Variants in PTPRC observed in about 807,000 individuals in gnomAD.
PTPRC encodes the protein protein tyrosine phosphatase receptor type C, also known as receptor-type tyrosine-protein phosphatase C.
PTPRC carries 44 observed loss-of-function variants against 155.9 expected under a neutral mutation model. The ratio of observed to expected loss-of-function variants is 0.28; its 90% CI spans 0.22 to 0.36. The LOEUF is 0.36. Ranked by LOEUF, PTPRC falls within the 10% of genes least tolerant of loss-of-function variation. The pLI is 1.00. For synonymous variants in PTPRC, 525 were observed against 533.1 expected (o/e 0.98, Z 0.21); for missense variants, 1,401 against 1,564.6 (o/e 0.90, Z 1.76).
chr1:198,738,321 T>C (rs368958059), intron 23 of PTPRC, among the ~76,000 whole-genome samples: 1 of 151,778 alleles, frequency 6.6e-6, no homozygotes, highest in African/African-American at 2.4e-5. Flanking sequence ...TGAGGTATAT[T>C]CCTTCGTTAC....
chr1:198,704,323 C>G, intron 7 of PTPRC, 149 bp from the exon 8 acceptor site: 1 of 1,392,164 alleles, frequency 7.2e-7, no homozygotes, highest in East Asian at 2.5e-5. Context: ...AAATGAAAAC[C>G]TGTACTAGGC....
rs1655423879 is a variant in PTPRC, at chr1:198,752,367, C to A, written c.3326C>A (p.Ser1109Tyr). 6.2e-7 allele frequency: 1 copy of A among 1,612,204 alleles called. No individual in the cohort carries two copies. Among genetic ancestry groups the A allele is most frequent in the African/African-American group, 1.3e-5 (1 of 74,712 alleles). The change falls in exon 30 of 33, where the codon TCC (serine) becomes TAC (tyrosine). Residue 1109 changes from serine (S) to tyrosine (Y), a missense_variant. Transcript: ENST00000442510. ...CTTCGTGTCTTTGAACTGAGACATTCCAAGGTATGGAAACAATTTGGGGAG... is the reference window on the plus strand; with the variant it reads ...CTTCGTGTCTTTGAACTGAGACATTACAAGGTATGGAAACAATTTGGGGAG... ...YTLRVFELRH[S>Y]KRKDSRTVYQ...
At chr1:198,646,721 C>G (rs1301028445) in intron 2 of PTPRC, among the ~76,000 whole-genome samples, 1 of 151,900 alleles carries the variant, frequency 6.6e-6, no homozygotes, top group South Asian at 2.1e-4. Context: ...TGCTTGATAG[C>G]CTGGAATTAT....
intron 10 of PTPRC, among the ~76,000 whole-genome samples, chr1:198,709,000 A>G (rs1183793084): frequency 2.0e-5 from 3 of 152,250 alleles, no homozygotes; most frequent in Admixed American, 6.5e-5. Flanking sequence ...ACCATAGTAT[A>G]GATTCATGGC....
chr1:198,755,818 AATC>A (rs1258844799), intron 32 of PTPRC, 85 bp from the exon 33 acceptor site: 1 of 1,355,354 alleles, frequency 7.4e-7, no homozygotes, highest in Admixed American at 1.7e-5. Context: ...TCCACAAATA[AATC>A]ATTAGTTCTT....
intron 2 of PTPRC, 90 bp from the exon 3 acceptor site, chr1:198,692,257 C>G (rs1222408162): frequency 2.1e-6 from 2 of 954,104 alleles, no homozygotes; most frequent in Non-Finnish European, 3.1e-6. Context: ...CTATCATAGA[C>G]TTGAGGTACA....
At chr1:198,724,266 G>A (rs1460277734) in intron 15 of PTPRC, among the ~76,000 whole-genome samples, 3 of 152,186 alleles carry the variant, frequency 2.0e-5, no homozygotes, top group Non-Finnish European at 4.4e-5. Flanking sequence ...GACTTGGGCT[G>A]TGAATTGCTA....
intron 30 of PTPRC, 21 bp downstream of exon 30, chr1:198,752,392 G>A: frequency 6.2e-7 from 1 of 1,611,784 alleles, no homozygotes; most frequent in South Asian, 1.1e-5. Flanking sequence ...AATTTGGGGA[G>A]TATATTTCTT....
chr1:198,703,453 T>C (rs1666563716), intron 7 of PTPRC, 81 bp downstream of exon 7: 2 of 1,601,424 alleles, frequency 1.2e-6, no homozygotes, highest in Non-Finnish European at 1.7e-6. Flanking sequence ...CCACCCACTC[T>C]ACCTCGGGCT....
chr1:198,736,813 C>T (rs745986765), intron 23 of PTPRC, among the ~76,000 whole-genome samples: 6 of 151,592 alleles, frequency 4.0e-5, no homozygotes, highest in Non-Finnish European at 8.9e-5. Context: ...CCAACATTGT[C>T]TGAGGGTTTT....
At chr1:198,747,375 C>T (rs4478839) in intron 26 of PTPRC, among the ~76,000 whole-genome samples, 91,198 of 151,462 alleles carry the variant, frequency 0.6, 27,804 homozygotes, top group African/African-American at 0.65. Context: ...GCTGGAGAAA[C>T]AGTCAGGGGC....
At chr1:198,694,132 A>G in intron 3 of PTPRC, 1 of 1,540,684 alleles carries the variant, frequency 6.5e-7, no homozygotes, top group Non-Finnish European at 8.8e-7. Context: ...CCCCTCACAA[A>G]CCACTGGAGT....
intron 2 of PTPRC, among the ~76,000 whole-genome samples, chr1:198,650,014 T>C (rs777953180): frequency 5.9e-5 from 9 of 151,800 alleles, no homozygotes; most frequent in Non-Finnish European, 1.0e-4. Context: ...GAGCTACCTG[T>C]TGGCTGACAA....
At chr1:198,742,437 AATG>A in intron 25 of PTPRC, 70 bp downstream of exon 25, 9 of 1,577,650 alleles carry the variant, frequency 5.7e-6, no homozygotes, top group Non-Finnish European at 7.8e-6. Context: ...AAGTGATAAT[AATG>A]ATATTTTTTA....
intron 2 of PTPRC, among the ~76,000 whole-genome samples, chr1:198,641,947 T>C (rs1309790257): frequency 6.6e-6 from 1 of 152,072 alleles, no homozygotes; most frequent in Non-Finnish European, 1.5e-5. Flanking sequence ...AATTATTTAA[T>C]TGAATTTGGT....
At chr1:198,695,086 A>T in intron 3 of PTPRC, 1 of 915,736 alleles carries the variant, frequency 1.1e-6, no homozygotes, top group African/African-American at 1.8e-5. Flanking sequence ...GTATATTGGA[A>T]TTGAAGTTCA....
At chr1:198,655,244 G>GA (rs1283305140) in intron 2 of PTPRC, among the ~76,000 whole-genome samples, 4 of 149,224 alleles carry the variant, frequency 2.7e-5, no homozygotes, top group Non-Finnish European at 4.5e-5. Flanking sequence ...TTTAAAAAGA[G>GA]AAAAAAAATT....
chr1:198,731,652 C>A lies in PTPRC; in HGVS notation c.1900C>A (p.His634Asn). 2 of 1,611,276 alleles carry A rather than the reference C, an allele frequency of 1.2e-6. No individual in the cohort carries two copies. The highest frequency in any genetic ancestry group is 2.2e-5 in the South Asian group (2 of 91,052). Reference protein sequence around the residue: ...EKQLMNVEPIHADILLETYKR... With the variant: ...EKQLMNVEPINADILLETYKR... The stretch of plus-strand genomic sequence containing the variant: ...ACAACTGATGAATGTGGAGCCAATC[C>A]ATGCAGATATTTTGTTGGAAACTTA... Residue 634 changes from histidine (H) to asparagine (N), a missense_variant, in exon 18 of 33, where the codon CAT becomes AAT. By Grantham distance (68) the His-to-Asn change is moderately conservative. This residue lies in a region of PTPRC where 867 missense variants were observed against 970.4 expected (regional missense o/e 0.89). Transcript: ENST00000442510.
chr1:198,722,420 AT>A lies in PTPRC; in HGVS notation c.1668del (p.His557ThrfsTer23). The stretch of plus-strand genomic sequence containing the variant: ...TTTTTTGTTACTGAAATTCAGGCCT[AT>A]TTTCACAATGGAGACTATCCTGGAG... ...QYSTDYTFKA[Y>X]FHNGDYPGEP... On this transcript the variant is annotated frameshift_variant, in exon 15 of 33. Transcript: ENST00000442510. LOFTEE classifies it high-confidence loss of function. The A allele has an allele frequency of 1.4e-6, 2 of 1,442,160 alleles. No individual in the cohort carries two copies. Among genetic ancestry groups the A allele is most frequent in the African/African-American group, 1.4e-5 (1 of 69,618 alleles). The allele number at this position is 1,442,160 out of a possible 1,614,324, so 89.3% of individuals were successfully genotyped here.
Sources: gnomAD v4.1 joint callset for allele counts (sites outside exome capture counted in the v4.1 genomes callset) on GRCh38, gnomAD v4.1.1 for gene constraint, gnomAD v4.1.1 regional missense constraint, MANE v1.5 for transcripts, NCBI Gene and HGNC (gene_info 2026-07-23, HGNC 2026-07-21) for gene names.